Variants in USF1 observed in about 807,000 individuals in gnomAD.
USF1 encodes upstream stimulatory factor 1.
A neutral mutation model predicts 46.3 loss-of-function variants in USF1; 22 were observed. The observed-to-expected ratio is 0.47, with a 90% CI of 0.34 to 0.68. USF1 has a LOEUF of 0.68. Ranked by LOEUF, USF1 falls within the 30% of genes least tolerant of loss-of-function variation. The probability of loss-of-function intolerance (pLI) is 0.01; values close to 1 mark genes in which losing one functional copy is unlikely to be tolerated. For missense variants in USF1, 287 were observed against 399.3 expected, an observed-to-expected ratio of 0.72 and a Z score of 2.40; for synonymous variants, 150 against 147.0, an observed-to-expected ratio of 1.02 and a Z score of -0.15.
chr1:161,042,723 C>G (rs376077931), intron 3 of USF1, 53 bp from the exon 4 acceptor site: 3 of 1,612,200 alleles, frequency 1.9e-6, no homozygotes, highest in Non-Finnish European at 2.5e-6. Context: ...TTTCTACCCC[C>G]GTTCCATTTG....
chr1:161,039,989 C>G lies in USF1; in HGVS notation c.864G>C (p.Lys288Asn), dbSNP rs61559246. ...GCAACTGAGCTCGAAGCAGCAGATT[C>G]TTGTTTTTAAGATCTTCCACCTGAC... ...LRQQVEDLKN[K>N]NLLLRAQLRH... Residue 288 changes from lysine to asparagine, a missense_variant, in exon 11 of 11, where the codon AAG becomes AAC. By Grantham distance (94) the Lys-to-Asn change is moderately conservative (BLOSUM62 0). Transcript: ENST00000368021. 2 of 1,614,178 alleles carry G rather than the reference C, an allele frequency of 1.2e-6. No homozygotes were observed. The highest frequency in any genetic ancestry group is 1.7e-5 in the Admixed American group (1 of 60,014).
chr1:161,042,187 C>T lies in USF1; in HGVS notation c.205G>A (p.Gly69Arg). 6.2e-7 allele frequency: 1 copy of T among 1,613,930 alleles called. No homozygotes were observed. ...VMYRVIQVSE[G>R]QLDGQTEGTG... The stretch of plus-strand genomic sequence containing the variant: ...CCCTCAGTTTGGCCATCCAGCTGCC[C>T]CTCAGACACCTGGATCACCCTGTAC... Residue 69 changes from glycine to arginine, a missense_variant, in exon 5 of 11, where the codon GGG becomes AGG. Coordinates refer to ENST00000368021, the MANE Select transcript of USF1 (RefSeq NM_007122.5).
chr1:161,042,750 G>T (rs1650623937), intron 3 of USF1, 80 bp from the exon 4 acceptor site: 1 of 1,611,132 alleles, frequency 6.2e-7, no homozygotes. Context: ...ACGGAAGGAG[G>T]AGGATGCACA....
rs1333540894 is a variant in USF1 at position 161,041,436 on chromosome 1, G to C, written c.473-25C>G. 8 of 1,608,868 alleles carry C rather than the reference G, an allele frequency of 5.0e-6. No individual in the cohort carries two copies. In the East Asian group the frequency reaches 1.6e-4, roughly 31 times the overall value. On this transcript the variant is annotated intron_variant, in intron 6 of 10. Coordinates refer to ENST00000368021, the MANE Select transcript of USF1 (RefSeq NM_007122.5). The stretch of plus-strand genomic sequence containing the variant: ...CCTGTGAAGATGCAGGGTAGGTTCT[G>C]TCAGGACATGGGTAGGAACCTCACC...
Position 161,042,897 on chromosome 1 carries a change from A to C in USF1, c.9-15T>G. 6 of 1,614,192 alleles carry C rather than the reference A, an allele frequency of 3.7e-6. No individual in the cohort carries two copies. Among genetic ancestry groups the C allele is most frequent in the Non-Finnish European group, 5.1e-6 (6 of 1,180,024 alleles). On this transcript the variant is annotated splice_polypyrimidine_tract_variant and intron_variant, in intron 2 of 10. Transcript: ENST00000368021. The stretch of plus-strand genomic sequence containing the variant: ...TTTTCTGCTGCCTGTTTGTGGTGAA[A>C]GGACAAAAGGAAGAGTATGAGAAGA...
Position 161,045,749 on chromosome 1 carries a change from G to C in USF1, c.-86+109C>G, listed in dbSNP as rs2774278. 4.5e-3 allele frequency: 688 copies of C among 152,922 alleles called. 2 individuals carry two copies. Among genetic ancestry groups the C allele is most frequent in the Non-Finnish European group, 6.0e-3 (411 of 68,486 alleles). The allele number at this position is 152,922 out of a possible 1,614,324, so 9.5% of individuals were successfully genotyped here. On this transcript the variant is annotated intron_variant, in intron 1 of 10. Coordinates refer to ENST00000368021, the MANE Select transcript of USF1 (RefSeq NM_007122.5). ...CACAGCCCCCTCCCCCAAAACAAAG[G>C]CTTCCTCCCCAGCAGTGTTCTCTAA...
Position 161,040,285 on chromosome 1 carries a change from G to A in USF1, c.760C>T (p.Leu254Phe). Reference protein sequence around the residue: ...LSKACDYIQELRQSNHRLSEE... With the variant: ...LSKACDYIQEFRQSNHRLSEE... ...GACAAGCGGTGGTTACTCTGCCGAA[G>A]CTCCTGGATATAATCACAAGCTTTG... The change falls in exon 10 of 11, where the codon CTT becomes TTT. Residue 254 changes from leucine to phenylalanine, a missense_variant. Coordinates refer to ENST00000368021, the MANE Select transcript of USF1 (RefSeq NM_007122.5). The surrounding 1 kb of genome is among the most constrained non-coding windows in gnomAD (Gnocchi z 4.0). 1 of 1,614,146 alleles carries A rather than the reference G, an allele frequency of 6.2e-7. No individual in the cohort carries two copies. Among genetic ancestry groups the A allele is most frequent in the Non-Finnish European group, 8.5e-7 (1 of 1,180,032 alleles).
chr1:161,041,540 G>T, intron 6 of USF1, 111 bp downstream of exon 6: 2 of 1,480,390 alleles, frequency 1.4e-6, no homozygotes, highest in African/African-American at 1.4e-5. Context: ...CTCACTGCCT[G>T]TCCAGGTCTT....
intron 7 of USF1, 108 bp downstream of exon 7, chr1:161,041,216 C>T (rs952660478): frequency 1.1e-6 from 1 of 937,394 alleles, no homozygotes; most frequent in African/African-American, 1.9e-5. Flanking sequence ...GAGCTGAGAT[C>T]ATGCCACTGC....
In USF1 at chr1:161,041,214, A is replaced by G. The variant is rs796142390; in HGVS notation, c.560+110T>C. 4.1e-6 allele frequency: 4 copies of G among 965,910 alleles called. No individual in the cohort carries two copies. The African/African-American group carries it at 6.8e-5, about 16-fold the overall frequency. 59.8% of individuals were successfully genotyped at this position (965,910 alleles called of 1,614,324 possible). On this transcript the variant is annotated intron_variant, in intron 7 of 10. Transcript: ENST00000368021. ...GAAGCAGAGGTTGCAGTGAGCTGAG[A>G]TCATGCCACTGCACTCCAGCCTGGG...
chr1:161,042,538 C>G lies in USF1; in HGVS notation c.174+17G>C, dbSNP rs756358871. On this transcript the variant is annotated intron_variant, in intron 4 of 10. Transcript: ENST00000368021. ...AACCCCAGATAACACCTGCAGCCACCTGGCCCCCTCCCTTACCTGGCCCCC... is the reference window on the plus strand; with the variant it reads ...AACCCCAGATAACACCTGCAGCCACGTGGCCCCCTCCCTTACCTGGCCCCC... The G allele has an allele frequency of 6.2e-7, 1 of 1,613,566 alleles. No individual in the cohort carries two copies. Among genetic ancestry groups the G allele is most frequent in the Non-Finnish European group, 8.5e-7 (1 of 1,179,664 alleles).
chr1:161,044,185 C>T (rs182441720), intron 1 of USF1, among the ~76,000 whole-genome samples: 5 of 152,196 alleles, frequency 3.3e-5, no homozygotes, highest in African/African-American at 7.2e-5. Flanking sequence ...TCAGGTGATC[C>T]GCCTGCCTCG....
In USF1 at chr1:161,040,516, G is replaced by C. The variant is rs553237947; in HGVS notation, c.714+60C>G. On this transcript the variant is annotated intron_variant, in intron 9 of 10. Coordinates refer to ENST00000368021, the MANE Select transcript of USF1 (RefSeq NM_007122.5). The surrounding 1 kb of genome is among the most constrained non-coding windows in gnomAD (Gnocchi z 4.0). ...TGTGCCCCTCTCTCTACCATTTCTG[G>C]AAACAATACCAGGAGGCAGAATTCA... The C allele has an allele frequency of 1.3e-6, 2 of 1,588,584 alleles. No homozygotes were observed. Among genetic ancestry groups the C allele is most frequent in the Admixed American group, 3.5e-5 (2 of 56,854 alleles).
Position 161,041,674 on chromosome 1 carries a change from C to T in USF1, c.449G>A (p.Gly150Glu). 1 of 1,611,108 alleles carries T rather than the reference C, an allele frequency of 6.2e-7. No individual in the cohort carries two copies. The highest frequency in any genetic ancestry group is 8.5e-7 in the Non-Finnish European group (1 of 1,177,604). The change falls in exon 6 of 11, where the codon GGG becomes GAG. Residue 150 changes from glycine (G) to glutamate (E), a missense_variant. Physicochemically the swap from Gly to Glu is moderately conservative, Grantham distance 98 (BLOSUM62 -2). Coordinates refer to ENST00000368021, the MANE Select transcript of USF1 (RefSeq NM_007122.5). Reference protein sequence around the residue: ...VTTQGSEALLGQATPPGTGQF... With the variant: ...VTTQGSEALLEQATPPGTGQF... ...ACCAGTGCCAGGAGGGGTCGCCTGCCCCAGCAGTGCCTCTGAGCCCTGGGT... is the reference window on the plus strand; with the variant it reads ...ACCAGTGCCAGGAGGGGTCGCCTGCTCCAGCAGTGCCTCTGAGCCCTGGGT...
chr1:161,042,737 G>A, intron 3 of USF1, 67 bp from the exon 4 acceptor site: 1 of 1,611,078 alleles, frequency 6.2e-7, no homozygotes. Flanking sequence ...CCATTTGCAT[G>A]TCACGGAAGG....
chr1:161,043,574 A>G (rs1455081267), intron 1 of USF1, among the ~76,000 whole-genome samples: 1 of 149,300 alleles, frequency 6.7e-6, no homozygotes, highest in East Asian at 2.0e-4. Context: ...TATCACTCCA[A>G]CTCCTGGTGG....
In USF1 at chr1:161,039,689, GC is replaced by G. The variant is rs1391225575; in HGVS notation, c.*230del. The G allele has an allele frequency of 3.5e-6, 2 of 564,892 alleles. No homozygotes were observed. The highest frequency in any genetic ancestry group is 6.1e-5 in the Admixed American group (2 of 32,620). 35.0% of individuals were successfully genotyped at this position (564,892 alleles called of 1,614,324 possible). A position where few individuals can be genotyped will look rare whatever the true frequency, so the allele number is the denominator to read the frequency against. On this transcript the variant is annotated 3_prime_UTR_variant, in exon 11 of 11. Coordinates refer to ENST00000368021, the MANE Select transcript of USF1 (RefSeq NM_007122.5). ...TGCATTGTGCGAGAGGAGCACAAGG[GC>G]CCAGGGGCTGCATGGTGGGGGTGGG...
chr1:161,041,197 G>C (rs1308149196), intron 7 of USF1, 127 bp downstream of exon 7: 4 of 822,422 alleles, frequency 4.9e-6, no homozygotes, highest in African/African-American at 1.8e-5. Flanking sequence ...TGGAAGCAGA[G>C]GTTGCAGTGA....
At position 161,041,310 on chromosome 1, in the gene USF1, C is replaced by G. The variant is rs747859822; in HGVS notation, c.560+14G>C. On this transcript the variant is annotated intron_variant, in intron 7 of 10. Coordinates refer to ENST00000368021, the MANE Select transcript of USF1 (RefSeq NM_007122.5). ...ACCACTTACGGAATCTGAGAAGAAA[C>G]AAGGGTCACTCACGGGGAATAAGGG... 2.8e-6 allele frequency: 3 copies of G among 1,069,344 alleles called. No individual in the cohort carries two copies. The highest frequency in any genetic ancestry group is 5.8e-5 in the East Asian group (2 of 34,308). 66.2% of individuals were successfully genotyped at this position (1,069,344 alleles called of 1,614,324 possible). A position where few individuals can be genotyped will look rare whatever the true frequency, so the allele number is the denominator to read the frequency against.
Sources: gnomAD v4.1 joint callset for allele counts (sites outside exome capture counted in the v4.1 genomes callset) on GRCh38, gnomAD v4.1.1 for gene constraint, Gnocchi (gnomAD v3.1) non-coding constraint, MANE v1.5 for transcripts, NCBI Gene and HGNC (gene_info 2026-07-23, HGNC 2026-07-21) for gene names.